Variants in SPAG16 observed in about 807,000 individuals in gnomAD.
The protein encoded by SPAG16 is sperm associated antigen 16.
In SPAG16, 86 loss-of-function variants were observed where a neutral mutation model predicts 80.4. The observed-to-expected ratio is 1.07, with a 90% CI of 0.90 to 1.28. The LOEUF is 1.28. Among genes scored for constraint, SPAG16 ranks in the 50% most tolerant of loss-of-function variants. SPAG16 has a pLI of 0.00. For missense variants in SPAG16, 870 were observed against 765.3 expected, an observed-to-expected ratio of 1.14 and a Z score of -1.61; for synonymous variants, 294 against 265.9, an observed-to-expected ratio of 1.11 and a Z score of -1.03.
In SPAG16 at chr2:213,358,356, T is replaced by C. The variant is rs373583321; in HGVS notation, c.763-5720T>C. Among the ~76,000 whole-genome samples the C allele has an allele frequency of 4.4e-4, 67 of 152,286 alleles. 1 individual carries two copies. The South Asian group carries it at 0.013, about 29-fold the overall frequency. On this transcript the variant is annotated intron_variant, in intron 7 of 15. Transcript: ENST00000331683. ...GGATAATATCCTGAAGAGTGTTTTC[T>C]AACTTGGTTCCATTCTCCCCATCAC...
chr2:213,949,064 T>C (rs1038788927), intron 12 of SPAG16, among the ~76,000 whole-genome samples: 2 of 152,084 alleles, frequency 1.3e-5, no homozygotes, highest in East Asian at 1.9e-4. Context: ...CAAACAGTAA[T>C]GTATTATTTA....
chr2:213,519,249 C>A (rs1197631508), intron 10 of SPAG16, among the ~76,000 whole-genome samples: 1 of 152,194 alleles, frequency 6.6e-6, no homozygotes, highest in Non-Finnish European at 1.5e-5. Context: ...GATTCATACC[C>A]TTACTTTTAA....
intron 15 of SPAG16, among the ~76,000 whole-genome samples, chr2:214,252,932 A>G (rs1207438364): frequency 2.0e-5 from 3 of 151,948 alleles, no homozygotes; most frequent in Non-Finnish European, 1.5e-5. Flanking sequence ...AATTGTTCCT[A>G]TTTCTCCACT....
intron 9 of SPAG16, among the ~76,000 whole-genome samples, chr2:213,473,017 T>C (rs1302826271): frequency 6.6e-6 from 1 of 152,208 alleles, no homozygotes; most frequent in Non-Finnish European, 1.5e-5. Context: ...TCTGTGTCTG[T>C]AAACTGGCTC....
chr2:213,376,801 G>T (rs767434734), intron 9 of SPAG16, among the ~76,000 whole-genome samples: 6 of 152,068 alleles, frequency 3.9e-5, no homozygotes, highest in Non-Finnish European at 7.4e-5. Flanking sequence ...CCCATAAACA[G>T]CCTTTAAATG....
At chr2:213,900,421 A>C (rs2077172926) in intron 11 of SPAG16, among the ~76,000 whole-genome samples, 1 of 152,192 alleles carries the variant, frequency 6.6e-6, no homozygotes, top group Admixed American at 6.5e-5. Flanking sequence ...TCAAAAACTA[A>C]GTGCAAGGTT....
At chr2:213,300,683 C>T (rs1261305996) in intron 3 of SPAG16, among the ~76,000 whole-genome samples, 1 of 152,032 alleles carries the variant, frequency 6.6e-6, no homozygotes, top group Non-Finnish European at 1.5e-5. Context: ...TAAAAAAATT[C>T]TGTCTATGTT....
intron 15 of SPAG16, among the ~76,000 whole-genome samples, chr2:214,208,596 G>A (rs1344096314): frequency 6.6e-6 from 1 of 152,132 alleles, no homozygotes; most frequent in Non-Finnish European, 1.5e-5. Context: ...GAGCTAGAAT[G>A]AATTAATCCA....
Position 213,686,717 on chromosome 2 carries a change from C to T in SPAG16, c.1071-175768C>T, listed in dbSNP as rs1312260154. Among the ~76,000 whole-genome samples, 9 of 113,192 alleles carry T rather than the reference C, an allele frequency of 8.0e-5. No individual in the cohort carries two copies. In the Admixed American group the frequency reaches 9.1e-4, roughly 11 times the overall value. The allele number at this position is 113,192 out of a possible 152,430, so 74.3% of individuals were successfully genotyped here. On this transcript the variant is annotated intron_variant, in intron 10 of 15. Transcript: ENST00000331683. ...TTTTTTTTTTTTTGAGACAGAGTCT[C>T]GCTCTGTCACCCAGGCTGGAGTGTA... is the stretch of plus-strand genomic sequence containing the variant.
intron 10 of SPAG16, among the ~76,000 whole-genome samples, chr2:213,829,378 G>C (rs2073492594): frequency 6.6e-6 from 1 of 152,066 alleles, no homozygotes; most frequent in Non-Finnish European, 1.5e-5. Context: ...CTAGGCCTAG[G>C]ACTCGCTCTT....
chr2:213,824,986 G>A (rs1403819721), intron 10 of SPAG16, among the ~76,000 whole-genome samples: 1 of 151,386 alleles, frequency 6.6e-6, no homozygotes, highest in Non-Finnish European at 1.5e-5. Context: ...TATAACTATT[G>A]TAAATGAGAT....
chr2:213,648,931 C>T (rs1172655680), intron 10 of SPAG16, among the ~76,000 whole-genome samples: 1 of 152,086 alleles, frequency 6.6e-6, no homozygotes, highest in Non-Finnish European at 1.5e-5. Flanking sequence ...CTACCATAAC[C>T]ATGCGGCAAA....
At chr2:213,312,905 A>C (rs1210199133) in intron 4 of SPAG16, among the ~76,000 whole-genome samples, 1 of 151,768 alleles carries the variant, frequency 6.6e-6, no homozygotes, top group Admixed American at 6.6e-5. Context: ...CCTAGAATTA[A>C]AATTACCTTT....
intron 10 of SPAG16, among the ~76,000 whole-genome samples, chr2:213,776,567 G>A (rs1285226074): frequency 6.6e-6 from 1 of 152,124 alleles, no homozygotes; most frequent in Non-Finnish European, 1.5e-5. Context: ...CTAGTAAAAG[G>A]CCAGAACAAC....
At chr2:214,273,745 G>A (rs1173269626) in intron 15 of SPAG16, among the ~76,000 whole-genome samples, 1 of 151,898 alleles carries the variant, frequency 6.6e-6, no homozygotes, top group South Asian at 2.1e-4. Flanking sequence ...TTCCAGCTTT[G>A]TTCTTTTTGC....
chr2:214,078,667 T>C (rs1465329217), intron 13 of SPAG16, among the ~76,000 whole-genome samples: 1 of 152,168 alleles, frequency 6.6e-6, no homozygotes, highest in Non-Finnish European at 1.5e-5. Flanking sequence ...GTTATTACTA[T>C]AAATATAGTA....
At chr2:214,325,263 G>C (rs966384419) in intron 15 of SPAG16, among the ~76,000 whole-genome samples, 1 of 152,190 alleles carries the variant, frequency 6.6e-6, no homozygotes, top group African/African-American at 2.4e-5. Flanking sequence ...GGACGTGCTG[G>C]TTTGGTAGGT....
intron 9 of SPAG16, 77 bp from the exon 10 acceptor site, chr2:213,489,886 A>T: frequency 9.0e-7 from 1 of 1,111,720 alleles, no homozygotes; most frequent in Non-Finnish European, 1.2e-6. Context: ...GTTGTAATTT[A>T]ATATTAAATC....
intron 6 of SPAG16, among the ~76,000 whole-genome samples, chr2:213,343,779 A>G (rs2064817058): frequency 6.6e-6 from 1 of 152,148 alleles, no homozygotes; most frequent in African/African-American, 2.4e-5. Context: ...AAGATGGAAA[A>G]TGATCCAACT....
Sources: gnomAD v4.1 joint callset for allele counts (sites outside exome capture counted in the v4.1 genomes callset) on GRCh38, gnomAD v4.1.1 for gene constraint, MANE v1.5 for transcripts, NCBI Gene and HGNC (gene_info 2026-07-23, HGNC 2026-07-21) for gene names.